TNS3: variants seen among roughly 807,000 people sequenced by gnomAD.
TNS3 encodes tensin 3, also known as tensin-3.
A neutral mutation model predicts 140.9 loss-of-function variants in TNS3; 45 were observed. The observed-to-expected ratio is 0.32, with a 90% confidence interval of 0.25 to 0.41. The LOEUF (loss-of-function observed/expected upper bound fraction) is 0.41. Ranked by LOEUF, TNS3 falls within the 10% of genes least tolerant of loss-of-function variation. The probability of loss-of-function intolerance (pLI) is 1.00; values close to 1 mark genes in which losing one functional copy is unlikely to be tolerated. For synonymous variants in TNS3, 815 were observed against 788.4 expected (o/e 1.03, Z -0.56); for missense variants, 1,716 against 1,906.7 (o/e 0.90, Z 1.86).
At chr7:47,394,921 G>A (rs1325327205) in intron 16 of TNS3, among the ~76,000 whole-genome samples, 1 of 152,232 alleles carries the variant, frequency 6.6e-6, no homozygotes, top group Non-Finnish European at 1.5e-5. Flanking sequence ...ACAAGAGCGG[G>A]GCACCCAATG....
At chr7:47,358,202 A>G (rs1220595828) in intron 17 of TNS3, among the ~76,000 whole-genome samples, 1 of 151,308 alleles carries the variant, frequency 6.6e-6, no homozygotes, top group Non-Finnish European at 1.5e-5. Context: ...AAATGGTATG[A>G]TCTTGGCTCA....
rs572187381 is a variant in TNS3 at position 47,451,856 on chromosome 7, A to G, written c.-75-9801T>C. On this transcript the variant is annotated intron_variant, in intron 4 of 30. Transcript: ENST00000311160. The stretch of plus-strand genomic sequence containing the variant: ...CAAGGCATTTATTTGTTCATCCTTC[A>G]TTGATTCCTCCACCACCCAGCACAT... Among the ~76,000 whole-genome samples the G allele has an allele frequency of 1.1e-4, 16 of 152,346 alleles. 1 individual carries two copies. The South Asian group carries it at 3.3e-3, about 32-fold the overall frequency.
At chr7:47,463,021 T>C (rs985763749) in intron 4 of TNS3, among the ~76,000 whole-genome samples, 2 of 152,310 alleles carry the variant, frequency 1.3e-5, no homozygotes, top group Admixed American at 1.3e-4. Context: ...ATTTTCGTTA[T>C]TGGCAGTAGT....
In TNS3 at chr7:47,346,200, G is replaced by A. The variant is rs201941233; in HGVS notation, c.2438C>T (p.Ala813Val). 3.0e-4 allele frequency: 480 copies of A among 1,614,000 alleles called. 1 individual carries two copies. Among genetic ancestry groups the A allele is most frequent in the Non-Finnish European group, 3.9e-4 (461 of 1,179,970 alleles). The change falls in exon 18 of 31, where the codon GCG (alanine) becomes GTG (valine). Residue 813 changes from alanine (A) to valine (V), a missense_variant. By Grantham distance (64) the Ala-to-Val change is moderately conservative. Around this residue, in one of 3 missense-constraint regions of TNS3, gnomAD observed 1,163 missense variants for 1,182.1 expected, o/e 0.98. Coordinates refer to ENST00000311160, the MANE Select transcript of TNS3 (RefSeq NM_022748.12). ...TGTGGCACATACCTCTTTGACGTCC[G>A]CTGGTGAGGGGAATGGCGGCAGGTT... is the stretch of plus-strand genomic sequence containing the variant. ...APNLPPFPSP[A>V]DVKETMTPGY...
chr7:47,367,322 C>G (rs548952311), intron 17 of TNS3, among the ~76,000 whole-genome samples: 2 of 152,218 alleles, frequency 1.3e-5, no homozygotes. Flanking sequence ...TTTCCCTGGC[C>G]GACCTGACCA....
At chr7:47,299,070 G>C (rs1230872218) in intron 23 of TNS3, among the ~76,000 whole-genome samples, 1 of 152,242 alleles carries the variant, frequency 6.6e-6, no homozygotes, top group Non-Finnish European at 1.5e-5. Flanking sequence ...CTGAATTCTG[G>C]TGCACGTTTT....
At chr7:47,474,325 C>G (rs533098549) in intron 4 of TNS3, among the ~76,000 whole-genome samples, 1 of 149,022 alleles carries the variant, frequency 6.7e-6, no homozygotes, top group South Asian at 2.2e-4. Flanking sequence ...TCACATAACC[C>G]ACACAACACA....
At chr7:47,444,913 G>T (rs1441979304) in intron 4 of TNS3, among the ~76,000 whole-genome samples, 1 of 152,166 alleles carries the variant, frequency 6.6e-6, no homozygotes, top group Non-Finnish European at 1.5e-5. Flanking sequence ...CTGGTGAAAA[G>T]TCAGAAAGTG....
At chr7:47,514,563 T>A (rs1798718054) in intron 2 of TNS3, among the ~76,000 whole-genome samples, 1 of 152,154 alleles carries the variant, frequency 6.6e-6, no homozygotes. Flanking sequence ...CTCAGCTTTC[T>A]CCTTGCTTCT....
chr7:47,325,674 C>T (rs750900269), intron 20 of TNS3, among the ~76,000 whole-genome samples: 1 of 152,096 alleles, frequency 6.6e-6, no homozygotes, highest in Non-Finnish European at 1.5e-5. Context: ...GGAGAGGCCA[C>T]CTGTCTCAGG....
At chr7:47,373,196 C>T (rs1442959204) in intron 16 of TNS3, among the ~76,000 whole-genome samples, 1 of 152,124 alleles carries the variant, frequency 6.6e-6, no homozygotes, top group Non-Finnish European at 1.5e-5. Flanking sequence ...CGGCCGTTTC[C>T]CTTTATCTTT....
chr7:47,468,837 A>G (rs150955537), intron 4 of TNS3, among the ~76,000 whole-genome samples: 17 of 152,342 alleles, frequency 1.1e-4, no homozygotes, highest in African/African-American at 4.1e-4. Context: ...TCAACTTCAA[A>G]CTATACTACA....
intron 13 of TNS3, among the ~76,000 whole-genome samples, 185 bp downstream of exon 13, chr7:47,411,542 C>T (rs955726646): frequency 7.9e-5 from 12 of 152,214 alleles, no homozygotes; most frequent in Non-Finnish European, 1.3e-4. Flanking sequence ...GGCCACAGAC[C>T]GATAAGGTCC....
chr7:47,485,339 C>T (rs1797572734), intron 3 of TNS3, among the ~76,000 whole-genome samples: 1 of 152,180 alleles, frequency 6.6e-6, no homozygotes, highest in African/African-American at 2.4e-5. Flanking sequence ...TCTCTGTAGC[C>T]CTCACAATAA....
chr7:47,297,208 C>T lies in TNS3; in HGVS notation c.3550G>A (p.Ala1184Thr), dbSNP rs375685287. 4.8e-5 allele frequency: 78 copies of T among 1,609,274 alleles called. No homozygotes were observed. The highest frequency in any genetic ancestry group is 1.7e-4 in the Middle Eastern group (1 of 6,044). The change falls in exon 24 of 31, where the codon GCC becomes ACC. Residue 1184 changes from alanine (A) to threonine (T), a missense_variant. By Grantham distance (58) the Ala-to-Thr change is moderately conservative. Around this residue, in one of 3 missense-constraint regions of TNS3, gnomAD observed 1,163 missense variants for 1,182.1 expected, o/e 0.98. Transcript: ENST00000311160. Reference protein sequence around the residue: ...KADISREQAIAMLKDKEPGSF... With the variant: ...KADISREQAITMLKDKEPGSF... ...CCCGGCTCCTTGTCCTTCAACATGG[C>T]GATGGCTGGAGAAAGGGAGGAGAAA...
intron 1 of TNS3, among the ~76,000 whole-genome samples, chr7:47,566,953 A>C (rs1800442182): frequency 6.6e-6 from 1 of 151,372 alleles, no homozygotes. Flanking sequence ...GAATCACCTG[A>C]AACAGGGAGG....
chr7:47,415,805 A>G (rs753534781), intron 10 of TNS3, among the ~76,000 whole-genome samples: 1 of 152,264 alleles, frequency 6.6e-6, no homozygotes, highest in Non-Finnish European at 1.5e-5. Context: ...GTGGGCCATC[A>G]GCCTTTCTGA....
At chr7:47,290,600 G>GCTA (rs1203468042) in intron 27 of TNS3, among the ~76,000 whole-genome samples, 1 of 152,178 alleles carries the variant, frequency 6.6e-6, no homozygotes, top group Non-Finnish European at 1.5e-5. Context: ...ATGAAAAGGT[G>GCTA]CTACACATCA....
intron 20 of TNS3, among the ~76,000 whole-genome samples, chr7:47,325,374 A>ACCT (rs1183435060): frequency 6.6e-6 from 1 of 152,110 alleles, no homozygotes; most frequent in Non-Finnish European, 1.5e-5. Flanking sequence ...CCCGGTACCC[A>ACCT]CCTGCCTTCT....
Sources: gnomAD v4.1 joint callset for allele counts (sites outside exome capture counted in the v4.1 genomes callset) on GRCh38, gnomAD v4.1.1 for gene constraint, gnomAD v4.1.1 regional missense constraint, MANE v1.5 for transcripts, NCBI Gene and HGNC (gene_info 2026-07-23, HGNC 2026-07-21) for gene names.